ARHGAP6: variants seen among roughly 807,000 people sequenced by gnomAD.
ARHGAP6 encodes rho GTPase-activating protein 6.
A neutral mutation model predicts 55.7 loss-of-function variants in ARHGAP6; 16 were observed. The ratio of observed to expected loss-of-function variants is 0.29; its 90% CI spans 0.19 to 0.44. The LOEUF (loss-of-function observed/expected upper bound fraction) is 0.44. Among genes scored for constraint, ARHGAP6 ranks in the 20% least tolerant of loss-of-function variants. The pLI is 1.00. For missense variants in ARHGAP6, 698 were observed against 808.9 expected (o/e 0.86, Z 1.66); for synonymous variants, 382 against 360.9 (o/e 1.06, Z -0.66).
At chrX:11,657,754 A>G (rs935572124) in intron 1 of ARHGAP6, among the ~76,000 whole-genome samples, 4 of 110,765 alleles carry the variant, frequency 3.6e-5, no homozygotes, top group African/African-American at 1.3e-4. Flanking sequence ...AGGAGGGACA[A>G]TGACCTGAAG....
intron 1 of ARHGAP6, among the ~76,000 whole-genome samples, chrX:11,550,565 G>C (rs1328646503): frequency 8.9e-6 from 1 of 111,787 alleles, no homozygotes; most frequent in Non-Finnish European, 1.9e-5. Context: ...GTCAACCAAG[G>C]CTGAGAACTA....
chrX:11,256,646 G>A (rs781324668), intron 1 of ARHGAP6, among the ~76,000 whole-genome samples: 1 of 111,924 alleles, frequency 8.9e-6, no homozygotes, highest in African/African-American at 3.2e-5. Context: ...AAGGAATGGT[G>A]TGTGAAATAA....
At chrX:11,587,402 G>A (rs2051747477) in intron 1 of ARHGAP6, among the ~76,000 whole-genome samples, 1 of 111,763 alleles carries the variant, frequency 8.9e-6, no homozygotes, top group African/African-American at 3.3e-5. Flanking sequence ...TGCATGCCAA[G>A]GAAGGAAAAG....
At chrX:11,315,308 G>C (rs2048346474) in intron 1 of ARHGAP6, among the ~76,000 whole-genome samples, 1 of 112,156 alleles carries the variant, frequency 8.9e-6, no homozygotes, top group Non-Finnish European at 1.9e-5. Flanking sequence ...GCATTAGTTA[G>C]ATTCTCATAA....
chrX:11,477,105 G>A (rs1243967022), intron 1 of ARHGAP6, among the ~76,000 whole-genome samples: 1 of 108,216 alleles, frequency 9.2e-6, no homozygotes, highest in East Asian at 2.9e-4. Flanking sequence ...AGTATACAGA[G>A]AGATCTTACA....
chrX:11,277,699 C>G (rs867210994), intron 1 of ARHGAP6, among the ~76,000 whole-genome samples: 1 of 99,125 alleles, frequency 1.0e-5, no homozygotes, highest in Non-Finnish European at 2.1e-5. Flanking sequence ...TTCTAGTATT[C>G]TTTTTTTTTT....
intron 1 of ARHGAP6, chrX:11,427,522 T>C: frequency 1.1e-6 from 1 of 941,071 alleles, no homozygotes; most frequent in Non-Finnish European, 1.3e-6. Flanking sequence ...GCCCCCTGTG[T>C]CCTCTGCACG....
intron 1 of ARHGAP6, among the ~76,000 whole-genome samples, chrX:11,628,278 AAT>A (rs1471436991): frequency 8.9e-6 from 1 of 112,307 alleles, no homozygotes; most frequent in African/African-American, 3.2e-5. Flanking sequence ...AAGCTTCTGA[AAT>A]AGACATCACA....
At chrX:11,476,790 C>A (rs1468054314) in intron 1 of ARHGAP6, among the ~76,000 whole-genome samples, 1 of 110,470 alleles carries the variant, frequency 9.1e-6, no homozygotes, top group Non-Finnish European at 1.9e-5. Context: ...TTAAACTGTC[C>A]CTCTACTTCA....
intron 2 of ARHGAP6, among the ~76,000 whole-genome samples, chrX:11,205,957 C>T (rs766549119): frequency 1.8e-5 from 2 of 111,977 alleles, no homozygotes; most frequent in Admixed American, 9.5e-5. Flanking sequence ...ATTAGATAGA[C>T]GAATAAGGGA....
At chrX:11,351,047 T>TACACAC (rs35026703) in intron 1 of ARHGAP6, among the ~76,000 whole-genome samples, 2,720 of 87,913 alleles carry the variant, frequency 0.031, 50 homozygotes, top group Middle Eastern at 0.057. Flanking sequence ...ATATTCAAAT[T>TACACAC]ACACACACAC....
intron 1 of ARHGAP6, among the ~76,000 whole-genome samples, chrX:11,576,891 T>C (rs1325286828): frequency 9.0e-6 from 1 of 111,664 alleles, no homozygotes; most frequent in Non-Finnish European, 1.9e-5. Context: ...CCCCCTTTTT[T>C]TGTCATTGTC....
intron 2 of ARHGAP6, among the ~76,000 whole-genome samples, chrX:11,214,271 A>AC (rs2046846057): frequency 9.1e-6 from 1 of 109,628 alleles, no homozygotes; most frequent in South Asian, 3.9e-4. Context: ...ACACACACAC[A>AC]CACACACACA....
At chrX:11,560,106 C>T (rs1372400421) in intron 1 of ARHGAP6, among the ~76,000 whole-genome samples, 1 of 110,121 alleles carries the variant, frequency 9.1e-6, no homozygotes, top group Non-Finnish European at 1.9e-5. Context: ...AAGAGAGCAC[C>T]CGATTCTCAA....
intron 1 of ARHGAP6, among the ~76,000 whole-genome samples, chrX:11,443,348 C>T (rs898218828): frequency 8.9e-6 from 1 of 112,394 alleles, no homozygotes; most frequent in East Asian, 2.8e-4. Flanking sequence ...ATAGTGCCAA[C>T]GTGAACATTC....
At position 11,169,550 on chromosome X, in the gene ARHGAP6, G is replaced by A. The variant is rs774547855; in HGVS notation, c.1764C>T (p.Ile588=). 8 of 1,204,118 alleles carry A rather than the reference G, an allele frequency of 6.6e-6. No individual in the cohort carries two copies. In the Admixed American group the frequency reaches 6.7e-5, roughly 10 times the overall value. ...SARAEESTAI[I]AVVQKMIENY... ...TTTCAATCATCTTTTGCACAACAGC[G>A]ATGATGGCCGTGCTCTCCTCAGCCC... Residue 588 remains isoleucine, a synonymous_variant, in exon 9 of 13, where the codon ATC becomes ATT. Transcript: ENST00000337414.
At chrX:11,407,227 T>C (rs748399333) in intron 1 of ARHGAP6, among the ~76,000 whole-genome samples, 1 of 112,018 alleles carries the variant, frequency 8.9e-6, no homozygotes, top group African/African-American at 3.2e-5. Context: ...ATATTTCATG[T>C]AAGTGGAATC....
At chrX:11,398,956 A>G (rs1439749226) in intron 1 of ARHGAP6, among the ~76,000 whole-genome samples, 2 of 112,182 alleles carry the variant, frequency 1.8e-5, no homozygotes, top group African/African-American at 6.5e-5. Flanking sequence ...AAGTCAACAG[A>G]TTAACATTCG....
At chrX:11,493,723 G>A (rs1201288124) in intron 1 of ARHGAP6, among the ~76,000 whole-genome samples, 1 of 110,905 alleles carries the variant, frequency 9.0e-6, no homozygotes, top group Non-Finnish European at 1.9e-5. Flanking sequence ...AAAGACGCAC[G>A]TAAATATAGT....
Sources: allele counts gnomAD v4.1 joint callset (sites outside exome capture counted in the v4.1 genomes callset), GRCh38; gene constraint gnomAD v4.1.1; transcripts MANE v1.5; gene names NCBI Gene and HGNC (gene_info 2026-07-23, HGNC 2026-07-21).